Variants in IL17RE observed in about 807,000 individuals in gnomAD.
IL17RE encodes the protein interleukin-17 receptor E.
In IL17RE, 47 loss-of-function variants were observed where a neutral mutation model predicts 70.7. The ratio of observed to expected loss-of-function variants is 0.67; its 90% CI spans 0.53 to 0.85. IL17RE has a LOEUF of 0.85. IL17RE is among the 40% of genes least tolerant of loss of function. The pLI, the probability that IL17RE is intolerant of heterozygous loss-of-function variation, is 0.00. For synonymous variants in IL17RE, 372 were observed against 381.2 expected, an observed-to-expected ratio of 0.98 and a Z score of 0.28; for missense variants, 850 against 893.9, an observed-to-expected ratio of 0.95 and a Z score of 0.63.
Position 9,915,263 on chromosome 3 carries a change from C to A in IL17RE, c.1460C>A (p.Ala487Glu). Residue 487 changes from alanine (A) to glutamate (E), a missense_variant, in exon 16 of 16, where the codon GCG becomes GAG. By Grantham distance (107) the Ala-to-Glu change is moderately radical. Transcript: ENST00000383814. This position sits in a 1 kb window ranked among gnomAD's most constrained non-coding sequence, Gnocchi z 4.9. ...TTCCCGCCACCAGGCCCGGGCCCAGCGCGGCCAGTGCTCCTCCTGCACGCG... is the reference window on the plus strand; with the variant it reads ...TTCCCGCCACCAGGCCCGGGCCCAGAGCGGCCAGTGCTCCTCCTGCACGCG... ...CRRPQSGPGP[A>E]RPVLLLHAAD... is the part of the protein sequence containing the mutation. The A allele has an allele frequency of 7.2e-7, 1 of 1,392,552 alleles. No homozygotes were observed. Among genetic ancestry groups the A allele is most frequent in the South Asian group, 1.7e-5 (1 of 60,164 alleles). 86.3% of individuals were successfully genotyped at this position (1,392,552 alleles called of 1,614,324 possible).
rs1402887286 is a variant in IL17RE, at chr3:9,914,554, C to T, written c.1303C>T (p.Arg435Trp). The change falls in exon 14 of 16, where the codon CGG becomes TGG. Residue 435 changes from arginine to tryptophan, a missense_variant. Transcript: ENST00000383814. ...LRPGCCVLVW[R>W]SDVQFAWKHL... The stretch of plus-strand genomic sequence containing the variant: ...GGGGGCTCTGTGCCCTCAGGTGTGG[C>T]GGTCAGATGTCCAGTTTGCCTGGAA... 6.8e-6 allele frequency: 11 copies of T among 1,613,762 alleles called. No individual in the cohort carries two copies. The highest frequency in any genetic ancestry group is 3.3e-5 in the South Asian group (3 of 91,086).
upstream of IL17RE, chr3:9,902,646 C>T: frequency 6.5e-7 from 1 of 1,536,118 alleles, no homozygotes; most frequent in East Asian, 2.4e-5. Flanking sequence ...GATGCTAGCC[C>T]CTTTCCTGTT....
chr3:9,909,308 T>C, intron 8 of IL17RE, 25 bp downstream of exon 8: 1 of 1,594,024 alleles, frequency 6.3e-7, no homozygotes, highest in Non-Finnish European at 8.6e-7. Flanking sequence ...CACGCACCCT[T>C]GTGCACACAC....
chr3:9,909,248 G>A lies in IL17RE; in HGVS notation c.767G>A (p.Arg256His), dbSNP rs143031647. The change falls in exon 8 of 16, where the codon CGC becomes CAC. Residue 256 changes from arginine to histidine, a missense_variant. By Grantham distance (29) the Arg-to-His change is conservative. Coordinates refer to ENST00000383814, the MANE Select transcript of IL17RE (RefSeq NM_153480.2). Reference sequence around the variant, plus strand: ...TACCTGCAAGAGGACACTGTGAGGCGCAAAAAATGTCCCTTCCAGAGCTGG... The same window carrying A: ...TACCTGCAAGAGGACACTGTGAGGCACAAAAAATGTCCCTTCCAGAGCTGG... Reference protein sequence around the residue: ...ASYLQEDTVRRKKCPFQSWPE... With the variant: ...ASYLQEDTVRHKKCPFQSWPE... 21,637 of 1,613,716 alleles carry A rather than the reference G, an allele frequency of 0.013. 201 individuals carry two copies. The highest frequency in any genetic ancestry group is 0.035 in the Admixed American group (2,096 of 59,976).
chr3:9,906,307 T>C (rs2082754596), intron 3 of IL17RE, 57 bp from the exon 4 acceptor site: 2 of 944,222 alleles, frequency 2.1e-6, no homozygotes, highest in African/African-American at 1.6e-5. Flanking sequence ...GGGCCACATC[T>C]CCAGGCAGGG....
At position 9,909,281 on chromosome 3, in the gene IL17RE, C is replaced by G. The variant is rs763309250; in HGVS notation, c.800C>G (p.Ala267Gly). Residue 267 changes from alanine to glycine, a missense_variant and splice_region_variant, in exon 8 of 16, where the codon GCC becomes GGC. Physicochemically the swap from Ala to Gly is moderately conservative, Grantham distance 60 (BLOSUM62 0). Transcript: ENST00000383814. ...KKCPFQSWPE[A>G]YGSDFWKSVH... ...TGTCCCTTCCAGAGCTGGCCAGAAGCCTGTGAGTGCTGTTGACACGCACCC... is the reference window on the plus strand; with the variant it reads ...TGTCCCTTCCAGAGCTGGCCAGAAGGCTGTGAGTGCTGTTGACACGCACCC... The G allele has an allele frequency of 2.1e-5, 34 of 1,613,562 alleles. No individual in the cohort carries two copies. Among genetic ancestry groups the G allele is most frequent in the Non-Finnish European group, 2.9e-5 (34 of 1,179,724 alleles).
At position 9,908,354 on chromosome 3, in the gene IL17RE, C is replaced by A. The variant is rs760669987; in HGVS notation, c.735+47C>A. ...GGCTGTCCATGGCTCTGCTCCTAAG[C>A]CCCCAAGGTAGCGCAGTTGGTCAAG... On this transcript the variant is annotated intron_variant, in intron 7 of 15. Transcript: ENST00000383814. 6.5e-6 allele frequency: 10 copies of A among 1,537,720 alleles called. No homozygotes were observed. The African/African-American group carries it at 8.2e-5, about 13-fold the overall frequency.
chr3:9,915,477 G>A lies in IL17RE; in HGVS notation c.1674G>A (p.Leu558=), dbSNP rs1055014029. ...GGGAGCAGGGCACTGTGCTGCTGCTGTGGAGCGGCGCCGACCTTCGCCCGG... is the reference window on the plus strand; with the variant it reads ...GGGAGCAGGGCACTGTGCTGCTGCTATGGAGCGGCGCCGACCTTCGCCCGG... ...VAREQGTVLL[L]WSGADLRPVS... The change falls in exon 16 of 16, where the codon CTG becomes CTA. Residue 558 remains leucine (L), a synonymous_variant. Transcript: ENST00000383814. This position sits in a 1 kb window ranked among gnomAD's most constrained non-coding sequence, Gnocchi z 4.9. 6.8e-6 allele frequency: 9 copies of A among 1,331,086 alleles called. No individual in the cohort carries two copies. Among genetic ancestry groups the A allele is most frequent in the Non-Finnish European group, 8.6e-6 (9 of 1,049,152 alleles). 82.5% of individuals were successfully genotyped at this position (1,331,086 alleles called of 1,614,324 possible).
At chr3:9,909,050 C>G (rs950978803) in intron 7 of IL17RE, among the ~76,000 whole-genome samples, 167 bp from the exon 8 acceptor site, 1 of 152,110 alleles carries the variant, frequency 6.6e-6, no homozygotes, top group Non-Finnish European at 1.5e-5. Context: ...TCTGGAGTTC[C>G]TCTCCACCCT....
intron 3 of IL17RE, among the ~76,000 whole-genome samples, chr3:9,906,136 C>T (rs973190339): frequency 6.6e-6 from 1 of 152,044 alleles, no homozygotes; most frequent in African/African-American, 2.4e-5. Context: ...GTAATCCCAG[C>T]TACTTGGGAG....
In IL17RE at chr3:9,904,177, T is replaced by C. The variant is rs200650694; in HGVS notation, c.268+26T>C. 298 of 1,611,970 alleles carry C rather than the reference T, an allele frequency of 1.8e-4. 2 individuals carry two copies. The highest frequency in any genetic ancestry group is 4.0e-4 in the Admixed American group (24 of 59,994). ...GTATGAGAAACAGCCCCTTGGGCCA[T>C]TCTCAGTGAAGAGAACATTTTGAGG... On this transcript the variant is annotated intron_variant, in intron 3 of 15. Transcript: ENST00000383814.
chr3:9,903,369 C>A (rs1162792586), intron 1 of IL17RE, 28 bp from the exon 2 acceptor site: 1 of 1,613,676 alleles, frequency 6.2e-7, no homozygotes, highest in Non-Finnish European at 8.5e-7. Flanking sequence ...TCTTTCCTTT[C>A]TTTTCCCTAC....
intron 6 of IL17RE, 148 bp downstream of exon 6, chr3:9,907,248 C>T: frequency 5.6e-6 from 6 of 1,078,770 alleles, no homozygotes; most frequent in Non-Finnish European, 8.0e-6. Flanking sequence ...ATCATTAAGA[C>T]TTCTTTGGGC....
rs1477511054 is a variant in IL17RE at position 9,906,775 on chromosome 3, T to A, written c.436T>A (p.Ser146Thr). 6.2e-7 allele frequency: 1 copy of A among 1,614,064 alleles called. No individual in the cohort carries two copies. Among genetic ancestry groups the A allele is most frequent in the Admixed American group, 1.7e-5 (1 of 60,004 alleles). ...HHISIPSPDISHKGLRSKRTQ... is the reference protein window; with the variant it reads ...HHISIPSPDITHKGLRSKRTQ... ...CATTTCCATCCCCTCCCCAGACATC[T>A]CCCACAAGGGACTTCGCTCTAAAAG... Residue 146 changes from serine to threonine, a missense_variant, in exon 5 of 16, where the codon TCC becomes ACC. Transcript: ENST00000383814.
intron 12 of IL17RE, 97 bp downstream of exon 12, chr3:9,911,694 C>G: frequency 8.5e-7 from 1 of 1,175,290 alleles, no homozygotes; most frequent in East Asian, 2.4e-5. Flanking sequence ...CAGAAACAAA[C>G]AAATCCCTGA....
intron 12 of IL17RE, among the ~76,000 whole-genome samples, chr3:9,912,717 C>T (rs2082921878): frequency 6.6e-6 from 1 of 152,166 alleles, no homozygotes; most frequent in African/African-American, 2.4e-5. Flanking sequence ...TATGAAAGAC[C>T]AAGTCACGCT....
chr3:9,911,734 T>A, intron 12 of IL17RE, 137 bp downstream of exon 12: 1 of 808,532 alleles, frequency 1.2e-6, no homozygotes, highest in Non-Finnish European at 1.9e-6. Flanking sequence ...TTTATTTACG[T>A]GATCAGCCTC....
intron 12 of IL17RE, among the ~76,000 whole-genome samples, chr3:9,913,223 G>A (rs548120059): frequency 1.3e-5 from 2 of 152,112 alleles, no homozygotes; most frequent in East Asian, 1.9e-4. Context: ...TCACCAACAT[G>A]GCAAAACCCG....
At chr3:9,905,173 G>A (rs2082724711) in intron 3 of IL17RE, among the ~76,000 whole-genome samples, 1 of 151,504 alleles carries the variant, frequency 6.6e-6, no homozygotes, top group African/African-American at 2.4e-5. Context: ...TAATGCTACA[G>A]GGCTGGGCAC....
Sources: allele counts gnomAD v4.1 joint callset (sites outside exome capture counted in the v4.1 genomes callset), GRCh38; gene constraint gnomAD v4.1.1; non-coding constraint Gnocchi (gnomAD v3.1); transcripts MANE v1.5; gene names NCBI Gene and HGNC (gene_info 2026-07-23, HGNC 2026-07-21).